AK8: variants seen among roughly 807,000 people sequenced by gnomAD.
AK8 encodes the protein ATP-AMP transphosphorylase 8.
A neutral mutation model predicts 54.6 loss-of-function variants in AK8; 44 were observed. The observed-to-expected ratio is 0.81, with a 90% confidence interval of 0.63 to 1.04. The LOEUF is 1.04. Ranked by LOEUF, AK8 falls within the 50% of genes least tolerant of loss-of-function variation. The probability of loss-of-function intolerance (pLI) is 0.00; values close to 1 mark genes in which losing one functional copy is unlikely to be tolerated. For missense variants in AK8, 555 were observed against 613.6 expected (o/e 0.90, Z 1.01); for synonymous variants, 239 against 245.6 (o/e 0.97, Z 0.25).
chr9:132,813,020 A>C (rs1841142242), intron 10 of AK8, among the ~76,000 whole-genome samples: 1 of 141,108 alleles, frequency 7.1e-6, no homozygotes, highest in South Asian at 2.3e-4. Flanking sequence ...CCCTGCACCT[A>C]CAGAGATCAC....
At chr9:132,767,572 A>T (rs1018384288) in intron 11 of AK8, among the ~76,000 whole-genome samples, 1 of 152,176 alleles carries the variant, frequency 6.6e-6, no homozygotes, top group Non-Finnish European at 1.5e-5. Context: ...CTAAAAATAG[A>T]TCTGTCATGT....
At chr9:132,748,325 G>A (rs1030453031) in intron 11 of AK8, among the ~76,000 whole-genome samples, 1 of 151,782 alleles carries the variant, frequency 6.6e-6, no homozygotes, top group Non-Finnish European at 1.5e-5. Context: ...CCATATCACT[G>A]TGGAATCAGA....
At chr9:132,805,701 T>C (rs975438687) in intron 10 of AK8, among the ~76,000 whole-genome samples, 1 of 152,112 alleles carries the variant, frequency 6.6e-6, no homozygotes, top group African/African-American at 2.4e-5. Flanking sequence ...CCGCTTCCTC[T>C]AACTGTGCTC....
intron 5 of AK8, among the ~76,000 whole-genome samples, chr9:132,831,526 C>T (rs969158571): frequency 2.0e-5 from 3 of 152,166 alleles, no homozygotes; most frequent in Admixed American, 6.5e-5. Flanking sequence ...AAGAAAGCAG[C>T]GAGTTGCTTC....
At chr9:132,752,925 C>T (rs1838014589) in intron 11 of AK8, among the ~76,000 whole-genome samples, 1 of 152,166 alleles carries the variant, frequency 6.6e-6, no homozygotes, top group South Asian at 2.1e-4. Flanking sequence ...TATTTCTGCT[C>T]TGTTTATTTG....
chr9:132,761,836 CTT>C (rs1183676042), intron 11 of AK8, among the ~76,000 whole-genome samples: 2 of 149,448 alleles, frequency 1.3e-5, no homozygotes, highest in Admixed American at 1.3e-4. Context: ...CTCTCTCTCT[CTT>C]TCTTTCTTCT....
At chr9:132,763,982 A>G (rs1299244906) in intron 11 of AK8, among the ~76,000 whole-genome samples, 2 of 152,208 alleles carry the variant, frequency 1.3e-5, no homozygotes, top group Non-Finnish European at 2.9e-5. Flanking sequence ...CCAACCCCAC[A>G]TGAGTACAAG....
Position 132,878,116 on chromosome 9 carries a change from C to T in AK8, c.84+56G>A. On this transcript the variant is annotated intron_variant, in intron 1 of 12. Transcript: ENST00000298545. This position sits in a 1 kb window ranked among gnomAD's most constrained non-coding sequence, Gnocchi z 4.7. ...GGTCCCGGCCGCGCACCCGACGTCG[C>T]AGTGGAGGCTCCCGAGCCGCCGCCA... 1 of 1,550,922 alleles carries T rather than the reference C, an allele frequency of 6.4e-7. No homozygotes were observed. Among genetic ancestry groups the T allele is most frequent in the Non-Finnish European group, 8.7e-7 (1 of 1,147,054 alleles).
intron 5 of AK8, among the ~76,000 whole-genome samples, chr9:132,847,970 GATGGGC>G (rs1308392780): frequency 6.6e-6 from 1 of 152,096 alleles, no homozygotes; most frequent in Non-Finnish European, 1.5e-5. Context: ...ATGAAAAACA[GATGGGC>G]ATGGTGGCAT....
At chr9:132,793,022 G>A (rs757125601) in intron 10 of AK8, among the ~76,000 whole-genome samples, 5 of 152,130 alleles carry the variant, frequency 3.3e-5, no homozygotes, top group Non-Finnish European at 7.3e-5. Flanking sequence ...TCCTGGACAC[G>A]ACACCATCCC....
intron 5 of AK8, among the ~76,000 whole-genome samples, chr9:132,853,737 G>A (rs1256068990): frequency 7.6e-6 from 1 of 130,926 alleles, no homozygotes; most frequent in Non-Finnish European, 1.5e-5. Context: ...AGTGAGCAGT[G>A]ATCGCCACTG....
At chr9:132,768,178 G>A (rs912433406) in intron 11 of AK8, among the ~76,000 whole-genome samples, 5 of 152,012 alleles carry the variant, frequency 3.3e-5, no homozygotes, top group South Asian at 2.1e-4. Context: ...ATCATCGCAC[G>A]TTATATGCAT....
chr9:132,763,992 G>T (rs1838605837), intron 11 of AK8, among the ~76,000 whole-genome samples: 1 of 152,134 alleles, frequency 6.6e-6, no homozygotes, highest in African/African-American at 2.4e-5. Flanking sequence ...ATGAGTACAA[G>T]AAAATAAATA....
chr9:132,799,055 G>A lies in AK8; in HGVS notation c.980-6280C>T, dbSNP rs1840318582. On this transcript the variant is annotated intron_variant, in intron 10 of 12. Coordinates refer to ENST00000298545, the MANE Select transcript of AK8 (RefSeq NM_152572.3). The surrounding 1 kb of genome is among the most constrained non-coding windows in gnomAD (Gnocchi z 5.0). ...TGCAGGTCTGGCTTCAGTCACCCTC[G>A]GTCACATCCAGCTCCAGAGCTGATG... Among the ~76,000 whole-genome samples, 1 of 152,162 alleles carries A rather than the reference G, an allele frequency of 6.6e-6. No homozygotes were observed. The highest frequency in any genetic ancestry group is 2.4e-5 in the African/African-American group (1 of 41,436).
chr9:132,842,483 G>A (rs1011520122), intron 5 of AK8, among the ~76,000 whole-genome samples: 4 of 150,828 alleles, frequency 2.7e-5, no homozygotes, highest in Admixed American at 6.6e-5. Context: ...CAGGCAGGTC[G>A]GCCTCATCTG....
chr9:132,872,733 A>G (rs557749854), intron 2 of AK8, among the ~76,000 whole-genome samples: 1 of 152,248 alleles, frequency 6.6e-6, no homozygotes, highest in South Asian at 2.1e-4. Context: ...CCCTGGGTTC[A>G]AGCGATTCTC....
chr9:132,747,001 T>C (rs1204012372), intron 11 of AK8, among the ~76,000 whole-genome samples: 2 of 152,244 alleles, frequency 1.3e-5, no homozygotes, highest in Non-Finnish European at 2.9e-5. Flanking sequence ...GTTGTTACTT[T>C]ATATCATCTT....
chr9:132,853,994 G>A (rs1843072832), intron 5 of AK8, among the ~76,000 whole-genome samples: 1 of 151,834 alleles, frequency 6.6e-6, no homozygotes, highest in African/African-American at 2.4e-5. Context: ...GAGCCTAGGA[G>A]TTTGATAACC....
At chr9:132,796,029 A>C (rs566892405) in intron 10 of AK8, among the ~76,000 whole-genome samples, 57 of 152,354 alleles carry the variant, frequency 3.7e-4, no homozygotes, top group Non-Finnish European at 4.9e-4. Flanking sequence ...TTGGAGCCAC[A>C]GCTTTCTGAG....
Sources: gnomAD v4.1 joint callset for allele counts (sites outside exome capture counted in the v4.1 genomes callset) on GRCh38, gnomAD v4.1.1 for gene constraint, Gnocchi (gnomAD v3.1) non-coding constraint, MANE v1.5 for transcripts, NCBI Gene and HGNC (gene_info 2026-07-23, HGNC 2026-07-21) for gene names.